EIF4G3: variants seen among roughly 807,000 people sequenced by gnomAD.
EIF4G3 encodes eukaryotic translation initiation factor 4 gamma 3, also known as eIF-4-gamma 3.
EIF4G3 carries 34 observed loss-of-function variants against 186.4 expected under a neutral mutation model. The observed-to-expected ratio is 0.18, with a 90% confidence interval of 0.14 to 0.24. EIF4G3 has a LOEUF of 0.24. Ranked by LOEUF, EIF4G3 falls within the 10% of genes least tolerant of loss-of-function variation. The pLI, the probability that EIF4G3 is intolerant of heterozygous loss-of-function variation, is 1.00. For synonymous variants in EIF4G3, 673 were observed against 679.5 expected (o/e 0.99, Z 0.15); for missense variants, 1,536 against 1,948.5 (o/e 0.79, Z 3.99).
At chr1:21,173,327 G>A (rs1392292678) in intron 2 of EIF4G3, among the ~76,000 whole-genome samples, 1 of 151,670 alleles carries the variant, frequency 6.6e-6, no homozygotes, top group Non-Finnish European at 1.5e-5. Flanking sequence ...CTCCTGAGTA[G>A]CTGAAATTAC....
chr1:20,919,021 C>T (rs1225796116), intron 14 of EIF4G3, among the ~76,000 whole-genome samples: 1 of 152,098 alleles, frequency 6.6e-6, no homozygotes, highest in Non-Finnish European at 1.5e-5. Context: ...TGAGGTTAAG[C>T]ATTTTTTCCT....
Position 20,843,503 on chromosome 1 carries a change from T to G in EIF4G3, c.3889-2475A>C, listed in dbSNP as rs10916876. Among the ~76,000 whole-genome samples the G allele has an allele frequency of 8.2e-4, 125 of 151,716 alleles. No individual in the cohort carries two copies. The Middle Eastern group carries it at 0.014, about 17-fold the overall frequency. ...CTGCACTCCAGCCTGGGCGACACGG[T>G]GAGACTCTGTCTCCAAAAAATAAAT... On this transcript the variant is annotated intron_variant, in intron 29 of 36. Coordinates refer to ENST00000602326, the MANE Select transcript of EIF4G3 (RefSeq NM_001391906.1).
At chr1:21,065,832 T>C (rs2095214832) in intron 3 of EIF4G3, among the ~76,000 whole-genome samples, 1 of 152,216 alleles carries the variant, frequency 6.6e-6, no homozygotes, top group Non-Finnish European at 1.5e-5. Flanking sequence ...ATCCTAATAT[T>C]AAGCCAGTAA....
intron 2 of EIF4G3, among the ~76,000 whole-genome samples, chr1:21,142,965 T>C (rs2097365966): frequency 6.6e-6 from 1 of 151,576 alleles, no homozygotes; most frequent in Non-Finnish European, 1.5e-5. Context: ...AAAGAAAAAA[T>C]AGGCCAAATG....
At chr1:20,970,326 T>C (rs2075589046) in intron 11 of EIF4G3, among the ~76,000 whole-genome samples, 1 of 152,144 alleles carries the variant, frequency 6.6e-6, no homozygotes, top group Admixed American at 6.6e-5. Context: ...AAAATTATCA[T>C]ACGTCGGCCA....
intron 5 of EIF4G3, among the ~76,000 whole-genome samples, 184 bp downstream of exon 5, chr1:21,002,529 A>G (rs1327625478): frequency 6.6e-6 from 1 of 152,228 alleles, no homozygotes; most frequent in Non-Finnish European, 1.5e-5. Flanking sequence ...AATAAATTTA[A>G]TTATTGCTAT....
At chr1:20,999,280 A>C (rs568228485) in intron 6 of EIF4G3, 11 of 319,714 alleles carry the variant, frequency 3.4e-5, no homozygotes, top group South Asian at 2.9e-4. Flanking sequence ...CAGTTCTTGC[A>C]GAAAATTTTC....
At chr1:20,967,404 T>C (rs1029618428) in intron 12 of EIF4G3, among the ~76,000 whole-genome samples, 7 of 152,212 alleles carry the variant, frequency 4.6e-5, no homozygotes, top group Non-Finnish European at 1.0e-4. Flanking sequence ...AGCACATATA[T>C]AGATTACTTC....
intron 2 of EIF4G3, among the ~76,000 whole-genome samples, chr1:21,113,322 A>C (rs184860088): frequency 6.6e-6 from 1 of 150,982 alleles, no homozygotes; most frequent in Non-Finnish European, 1.5e-5. Context: ...TTTTTTTTTT[A>C]AATTCTATCA....
intron 19 of EIF4G3, among the ~76,000 whole-genome samples, chr1:20,885,401 C>T (rs2083799798): frequency 6.6e-6 from 1 of 152,180 alleles, no homozygotes; most frequent in Admixed American, 6.5e-5. Context: ...GATTAAGAAC[C>T]TGCCTAACAG....
chr1:21,017,641 A>G (rs1195582928), intron 4 of EIF4G3, among the ~76,000 whole-genome samples: 1 of 150,824 alleles, frequency 6.6e-6, no homozygotes, highest in East Asian at 1.9e-4. Context: ...AAAAAAAAAA[A>G]AAAAAAAAAA....
Position 20,890,616 on chromosome 1 carries a change from C to T in EIF4G3, c.2253+2901G>A, listed in dbSNP as rs111479014. On this transcript the variant is annotated intron_variant, in intron 18 of 36. Transcript: ENST00000602326. ...CACTACAGGTGTGTGCCCTCATGCCCGGCAAATTTTTGTATTTTTTGTAGG... is the reference window on the plus strand; with the variant it reads ...CACTACAGGTGTGTGCCCTCATGCCTGGCAAATTTTTGTATTTTTTGTAGG... Among the ~76,000 whole-genome samples the T allele has an allele frequency of 1.3e-3, 195 of 152,012 alleles. 1 individual carries two copies. The highest frequency in any genetic ancestry group is 3.9e-3 in the African/African-American group (163 of 41,452).
rs1306432888 is a variant in EIF4G3, at chr1:21,089,362, T to C, written c.-271-149A>G. On this transcript the variant is annotated intron_variant, in intron 2 of 36. Coordinates refer to ENST00000602326, the MANE Select transcript of EIF4G3 (RefSeq NM_001391906.1). ...CTCCACTAAAACTAAAAACCAAATG[T>C]TTCAAATGTCCTAAAATGACTAAAT... is the stretch of plus-strand genomic sequence containing the variant. 10 of 598,040 alleles carry C rather than the reference T, an allele frequency of 1.7e-5. No individual in the cohort carries two copies. In the South Asian group the frequency reaches 1.8e-4, roughly 11 times the overall value. The allele number at this position is 598,040 out of a possible 1,614,324, so 37.0% of individuals were successfully genotyped here.
chr1:20,880,106 T>C (rs2081922526), intron 19 of EIF4G3, among the ~76,000 whole-genome samples: 1 of 151,536 alleles, frequency 6.6e-6, no homozygotes, highest in African/African-American at 2.4e-5. Flanking sequence ...AAAGGCAAAA[T>C]GATTTTTGCC....
In EIF4G3 at chr1:20,899,714, G is replaced by A. The variant is rs1260717399; in HGVS notation, c.1982C>T (p.Thr661Ile). 7 of 1,614,042 alleles carry A rather than the reference G, an allele frequency of 4.3e-6. No individual in the cohort carries two copies. Among genetic ancestry groups the A allele is most frequent in the South Asian group, 2.2e-5 (2 of 91,084 alleles). ...GSTDSSGDGV[T>I]FPFKPESWKP... is the part of the protein sequence containing the mutation. ...AAACTTACCTGGTTTAAATGGAAATGTAACCCCATCACCAGAACTATCTGT... is the reference window on the plus strand; with the variant it reads ...AAACTTACCTGGTTTAAATGGAAATATAACCCCATCACCAGAACTATCTGT... The change falls in exon 16 of 37, where the codon ACA becomes ATA. Residue 661 changes from threonine to isoleucine, a missense_variant. This residue lies in a region of EIF4G3 where 560 missense variants were observed against 547.8 expected (regional missense o/e 1.02). Coordinates refer to ENST00000602326, the MANE Select transcript of EIF4G3 (RefSeq NM_001391906.1).
chr1:20,813,939 G>A (rs961742270), intron 34 of EIF4G3, among the ~76,000 whole-genome samples: 2 of 142,472 alleles, frequency 1.4e-5, no homozygotes, highest in Non-Finnish European at 3.0e-5. Context: ...AAGAACAGAT[G>A]AGTCACTGTT....
intron 14 of EIF4G3, among the ~76,000 whole-genome samples, chr1:20,931,697 T>A (rs1236190953): frequency 6.6e-6 from 1 of 152,108 alleles, no homozygotes; most frequent in East Asian, 1.9e-4. Flanking sequence ...GAGGCCAAGG[T>A]GGGCAGATCA....
At chr1:21,091,692 T>C (rs551989586) in intron 2 of EIF4G3, among the ~76,000 whole-genome samples, 1 of 152,282 alleles carries the variant, frequency 6.6e-6, no homozygotes, top group African/African-American at 2.4e-5. Context: ...TAGTTCTCCT[T>C]GAAGAGGTCC....
intron 3 of EIF4G3, among the ~76,000 whole-genome samples, chr1:21,070,014 T>G (rs2095397131): frequency 6.6e-6 from 1 of 152,200 alleles, no homozygotes; most frequent in Admixed American, 6.5e-5. Context: ...AATGCAAGAC[T>G]TGAACTCAGC....
Sources: gnomAD v4.1 joint callset for allele counts (sites outside exome capture counted in the v4.1 genomes callset) on GRCh38, gnomAD v4.1.1 for gene constraint, gnomAD v4.1.1 regional missense constraint, MANE v1.5 for transcripts, NCBI Gene and HGNC (gene_info 2026-07-23, HGNC 2026-07-21) for gene names.